NCR1: variants seen among roughly 807,000 people sequenced by gnomAD.
The protein encoded by NCR1 is NK cell-activating receptor.
NCR1 carries 30 observed loss-of-function variants against 32.5 expected under a neutral mutation model. The observed-to-expected ratio is 0.92, with a 90% CI of 0.69 to 1.25. The LOEUF is 1.25. NCR1 is among the 50% of genes most tolerant of loss of function. The pLI, the probability that NCR1 is intolerant of heterozygous loss-of-function variation, is 0.00. For synonymous variants in NCR1, 169 were observed against 143.4 expected, an observed-to-expected ratio of 1.18 and a Z score of -1.28; for missense variants, 369 against 380.7, an observed-to-expected ratio of 0.97 and a Z score of 0.26.
chr19:54,938,024 C>A, the NCR1 span: 1 of 1,595,852 alleles, frequency 6.3e-7, no homozygotes, highest in South Asian at 1.1e-5. Context: ...GTCTTCCTTG[C>A]AAGATGAGCT....
At chr19:54,937,431 C>A in the NCR1 span, among the ~76,000 whole-genome samples, 1 of 151,856 alleles carries the variant, frequency 6.6e-6, no homozygotes, top group South Asian at 2.1e-4. Context: ...GTGGCTCATG[C>A]CTGTAATCCC....
chr19:54,933,033 A>C, the NCR1 span, among the ~76,000 whole-genome samples: 1 of 152,122 alleles, frequency 6.6e-6, no homozygotes. Flanking sequence ...AACACACACA[A>C]AGCATCAGAT....
intron 6 of NCR1, 61 bp from the exon 7 acceptor site, chr19:54,912,629 A>G (rs2068031860): frequency 2.5e-6 from 1 of 392,960 alleles, no homozygotes; most frequent in East Asian, 5.2e-5. Context: ...AAAAAAAAAA[A>G]AAAAAAAAAG....
chr19:54,901,824 T>C (rs1002909541), upstream of NCR1, among the ~76,000 whole-genome samples: 2 of 152,064 alleles, frequency 1.3e-5, no homozygotes, highest in African/African-American at 4.8e-5. Context: ...AAAAATTAGC[T>C]GGGCGTGGTT....
chr19:54,898,978 G>A, the NCR1 span, among the ~76,000 whole-genome samples: 1 of 152,078 alleles, frequency 6.6e-6, no homozygotes, highest in Admixed American at 6.6e-5. Flanking sequence ...CTGGCGAGGA[G>A]GGGAGATGTC....
At position 54,912,217 on chromosome 19, in the gene NCR1, AG is replaced by A; in HGVS notation, c.733+1del. ...TAACCACAGAGACGGGACTCCAGAA[AG>A]GTAAGTAGACAGCTGGGGCCATAGG... ...LLTTETGLQK[D>X]HALWDHTAQN... is the part of the protein sequence containing the mutation. On this transcript the variant is annotated frameshift_variant and splice_region_variant, in exon 6 of 7. Coordinates refer to ENST00000291890, the MANE Select transcript of NCR1 (RefSeq NM_004829.7). LOFTEE classifies it low-confidence loss of function (END_TRUNC). 1.9e-6 allele frequency: 3 copies of A among 1,613,784 alleles called. No homozygotes were observed. Among genetic ancestry groups the A allele is most frequent in the Non-Finnish European group, 2.5e-6 (3 of 1,179,716 alleles).
At chr19:54,909,789 G>T (rs753483271) in intron 4 of NCR1, among the ~76,000 whole-genome samples, 22 of 151,802 alleles carry the variant, frequency 1.4e-4, no homozygotes, top group Non-Finnish European at 2.5e-4. Flanking sequence ...ACAGAAATTA[G>T]CCAGACGCAG....
chr19:54,934,099 C>G, the NCR1 span, among the ~76,000 whole-genome samples: 1 of 152,152 alleles, frequency 6.6e-6, no homozygotes, highest in Non-Finnish European at 1.5e-5. This position sits in a 1 kb window ranked among gnomAD's most constrained non-coding sequence, Gnocchi z 6.7. Flanking sequence ...GCCCACCACA[C>G]CTGGATAATT....
At chr19:54,909,926 C>G (rs1301069100) in intron 4 of NCR1, 92 bp from the exon 5 acceptor site, 41 of 1,024,564 alleles carry the variant, frequency 4.0e-5, no homozygotes, top group Non-Finnish European at 5.5e-5. Flanking sequence ...CAGAGCAAGA[C>G]TCCATCTCAA....
the NCR1 span, among the ~76,000 whole-genome samples, chr19:54,931,370 A>C: frequency 6.6e-6 from 1 of 152,152 alleles, no homozygotes; most frequent in Non-Finnish European, 1.5e-5. Flanking sequence ...CAGCCTGGCC[A>C]AAGTGGTGAA....
At chr19:54,927,910 G>A in the NCR1 span, 5,572 of 772,324 alleles carry the variant, frequency 7.2e-3, 172 homozygotes, top group African/African-American at 0.077. Context: ...TTGCCAACAC[G>A]GTCAAACCCC....
chr19:54,922,505 C>T, the NCR1 span, among the ~76,000 whole-genome samples: 25 of 151,384 alleles, frequency 1.7e-4, no homozygotes, highest in East Asian at 1.6e-3. Context: ...AGGCTGGGCT[C>T]GGTGGCTCAC....
chr19:54,910,212 C>T (rs587635959), intron 5 of NCR1, 147 bp downstream of exon 5: 7 of 753,782 alleles, frequency 9.3e-6, no homozygotes, highest in South Asian at 8.0e-5. Flanking sequence ...CGAGATGGTG[C>T]ATCATTTGAG....
At chr19:54,935,068 A>C in the NCR1 span, among the ~76,000 whole-genome samples, 1 of 152,080 alleles carries the variant, frequency 6.6e-6, no homozygotes, top group African/African-American at 2.4e-5. Flanking sequence ...TCATGCCTCC[A>C]ACCCTGGCCT....
chr19:54,920,778 T>C (rs1479182946), downstream of NCR1, among the ~76,000 whole-genome samples: 2 of 152,130 alleles, frequency 1.3e-5, no homozygotes, highest in East Asian at 3.9e-4. Flanking sequence ...GATCGCACCA[T>C]TGCACTCCAA....
At chr19:54,916,711 T>TC (rs1224429980), downstream of NCR1, among the ~76,000 whole-genome samples, 21 of 133,818 alleles carry the variant, frequency 1.6e-4, no homozygotes, top group East Asian at 4.3e-3. Context: ...TATTTTTTTT[T>TC]TTTTTTTTTT....
At position 54,906,384 on chromosome 19, in the gene NCR1, G is replaced by A. The variant is rs757670933; in HGVS notation, c.70+50G>A. On this transcript the variant is annotated intron_variant, in intron 2 of 6. Coordinates refer to ENST00000291890, the MANE Select transcript of NCR1 (RefSeq NM_004829.7). ...GGTCACTCTTCCGGATTCAGGCCAAGCTCCTTCCACCCAAGCACGGCTGGG... is the reference window on the plus strand; with the variant it reads ...GGTCACTCTTCCGGATTCAGGCCAAACTCCTTCCACCCAAGCACGGCTGGG... The A allele has an allele frequency of 6.8e-6, 11 of 1,608,134 alleles. No individual in the cohort carries two copies. In the East Asian group the frequency reaches 2.2e-4, roughly 33 times the overall value.
At chr19:54,919,732 TGC>T (rs1569538269), downstream of NCR1, among the ~76,000 whole-genome samples, 213 of 66,112 alleles carry the variant, frequency 3.2e-3, no homozygotes, top group Middle Eastern at 7.5e-3. Context: ...CCCCACCCGC[TGC>T]CCCTTTCCCG....
the NCR1 span, chr19:54,927,875 T>C: frequency 5.0e-6 from 5 of 994,206 alleles, no homozygotes; most frequent in East Asian, 4.8e-5. Flanking sequence ...GTGGATCACT[T>C]GAGGCCAGGT....
Sources: gnomAD v4.1 joint callset for allele counts (sites outside exome capture counted in the v4.1 genomes callset) on GRCh38, gnomAD v4.1.1 for gene constraint, Gnocchi (gnomAD v3.1) non-coding constraint, MANE v1.5 for transcripts, NCBI Gene and HGNC (gene_info 2026-07-23, HGNC 2026-07-21) for gene names.